The following CCNB1IP1 variants were observed in gnomAD, a reference collection of about 807,000 sequenced individuals.
CCNB1IP1 encodes E3 ubiquitin-protein ligase CCNB1IP1.
In CCNB1IP1, 14 loss-of-function variants were observed where a neutral mutation model predicts 25.6. That is an observed-to-expected ratio of 0.55 (90% CI 0.36 to 0.85). The LOEUF is 0.85. Ranked by LOEUF, CCNB1IP1 falls within the 40% of genes least tolerant of loss-of-function variation. The probability of loss-of-function intolerance (pLI) is 0.01; values close to 1 mark genes in which losing one functional copy is unlikely to be tolerated. For missense variants in CCNB1IP1, 278 were observed against 342.4 expected (o/e 0.81, Z 1.48); for synonymous variants, 119 against 116.1 (o/e 1.02, Z -0.16).
At chr14:20,324,493 A>T (rs1883002606) in intron 4 of CCNB1IP1, among the ~76,000 whole-genome samples, 1 of 152,152 alleles carries the variant, frequency 6.6e-6, no homozygotes, top group East Asian at 1.9e-4. Context: ...GCCAAAACAA[A>T]GAATTTTCGT....
chr14:20,319,739 G>A (rs1335826687), intron 4 of CCNB1IP1, among the ~76,000 whole-genome samples: 1 of 152,144 alleles, frequency 6.6e-6, no homozygotes, highest in Non-Finnish European at 1.5e-5. Context: ...GAGTCCACGT[G>A]CCAAAAATTC....
Position 20,320,804 on chromosome 14 carries a change from C to CAA in CCNB1IP1, c.-37-4246_-37-4245dup, listed in dbSNP as rs11292210. Among the ~76,000 whole-genome samples, 314 of 99,698 alleles carry CAA rather than the reference C, an allele frequency of 3.1e-3. 1 individual carries two copies. Among genetic ancestry groups the CAA allele is most frequent in the Middle Eastern group, 0.012 (2 of 168 alleles). The allele number at this position is 99,698 out of a possible 152,430, so 65.4% of individuals were successfully genotyped here. A position where few individuals can be genotyped will look rare whatever the true frequency, so the allele number is the denominator to read the frequency against. ...TGGGCAACAAAGCCAGACTCCGTCTCAAAAAAAAAAAAAAAAAAATTATAG... is the reference window on the plus strand; with the variant it reads ...TGGGCAACAAAGCCAGACTCCGTCTCAAAAAAAAAAAAAAAAAAAAATTATAG... On this transcript the variant is annotated intron_variant, in intron 4 of 6. Transcript: ENST00000358932.
chr14:20,330,638 T>C (rs1167826947), intron 1 of CCNB1IP1: 1 of 152,510 alleles, frequency 6.6e-6, no homozygotes, highest in Non-Finnish European at 1.5e-5. Context: ...TGGAGTGCAA[T>C]GGCGCGATCT....
chr14:20,330,348 G>A (rs1044986560), intron 1 of CCNB1IP1, among the ~76,000 whole-genome samples: 1 of 152,152 alleles, frequency 6.6e-6, no homozygotes, highest in Non-Finnish European at 1.5e-5. Context: ...GAGGAAAAGA[G>A]AGAGAGGGGC....
chr14:20,311,704 C>A lies in CCNB1IP1; in HGVS notation c.680G>T (p.Gly227Val), dbSNP rs779864856. The stretch of plus-strand genomic sequence containing the variant: ...GAACTGAAAATCTCCATCTCCATCG[C>A]CCCGATTTCGAACAGGTGTATTATC... ...PLDNTPVRNR[G>V]DGDGDFQFRP... Residue 227 changes from glycine to valine, a missense_variant, in exon 7 of 7, where the codon GGC becomes GTC. By Grantham distance (109) the Gly-to-Val change is moderately radical (BLOSUM62 -3). Coordinates refer to ENST00000358932, the MANE Select transcript of CCNB1IP1 (RefSeq NM_021178.5). The A allele has an allele frequency of 3.1e-6, 5 of 1,614,058 alleles. No homozygotes were observed. The East Asian group carries it at 1.1e-4, about 36-fold the overall frequency.
chr14:20,317,538 T>C (rs1397952909), intron 4 of CCNB1IP1: 1 of 152,258 alleles, frequency 6.6e-6, no homozygotes, highest in Non-Finnish European at 1.5e-5. Context: ...AGAGGCCTAT[T>C]TTACATCCGG....
chr14:20,328,355 GA>G (rs1160624426), intron 2 of CCNB1IP1, among the ~76,000 whole-genome samples: 2 of 152,192 alleles, frequency 1.3e-5, no homozygotes, highest in Non-Finnish European at 2.9e-5. Context: ...AGGTTGGAAA[GA>G]AACTGAAGCA....
At chr14:20,315,145 A>G (rs1882646485) in intron 5 of CCNB1IP1, among the ~76,000 whole-genome samples, 1 of 142,712 alleles carries the variant, frequency 7.0e-6, no homozygotes, top group South Asian at 2.1e-4. Flanking sequence ...CCAAAAAAAA[A>G]AAAAAAAAAA....
Position 20,316,257 on chromosome 14 carries a change from G to T in CCNB1IP1, c.267C>A (p.Ser89Arg), listed in dbSNP as rs1319311681. Residue 89 changes from serine to arginine, a missense_variant, in exon 5 of 7, where the codon AGC becomes AGA. Ser to Arg is a moderately radical substitution (Grantham distance 110). Transcript: ENST00000358932. ...GLRPEIVLDI[S>R]SRALAFWTYQ... ...ATGTCCAGAAGGCCAGCGCTCGGGA[G>T]CTAATGTCCAACACGATCTCTGGTC... 1 of 1,613,812 alleles carries T rather than the reference G, an allele frequency of 6.2e-7. No homozygotes were observed. The highest frequency in any genetic ancestry group is 8.5e-7 in the Non-Finnish European group (1 of 1,179,816).
intron 5 of CCNB1IP1, chr14:20,315,999 C>A: frequency 1.9e-6 from 1 of 520,994 alleles, no homozygotes; most frequent in East Asian, 3.4e-5. Flanking sequence ...TGTGTGTATA[C>A]CCAAAATATA....
At chr14:20,330,562 C>G (rs951448213) in intron 1 of CCNB1IP1, 1 of 151,966 alleles carries the variant, frequency 6.6e-6, no homozygotes, top group African/African-American at 2.4e-5. Flanking sequence ...TCATATAGTA[C>G]TCATAAGGGC....
intron 5 of CCNB1IP1, among the ~76,000 whole-genome samples, chr14:20,315,015 C>T (rs1190517644): frequency 2.1e-5 from 3 of 144,662 alleles, no homozygotes; most frequent in South Asian, 4.5e-4. Flanking sequence ...GGCGTGAACC[C>T]GGGAGGCAGA....
chr14:20,320,473 TTCA>T (rs1882855023), intron 4 of CCNB1IP1: 1 of 331,516 alleles, frequency 3.0e-6, no homozygotes, highest in Non-Finnish European at 5.9e-6. Flanking sequence ...AGAATGATAT[TTCA>T]TCATATTTAT....
chr14:20,315,526 A>T (rs1882662616), intron 5 of CCNB1IP1: 1 of 1,176,076 alleles, frequency 8.5e-7, no homozygotes, highest in Non-Finnish European at 1.1e-6. Context: ...GATGACAAAC[A>T]TCCTTAAGAA....
Position 20,311,740 on chromosome 14 carries a change from T to C in CCNB1IP1, c.644A>G (p.Lys215Arg), listed in dbSNP as rs771419663. Residue 215 changes from lysine (K) to arginine (R), a missense_variant, in exon 7 of 7, where the codon AAG (lysine) becomes AGG (arginine). Transcript: ENST00000358932. ...AACAGGTGTATTATCCAAAGGAAACTTGGAGTTGTTACCTAGGGCAGAAAA... is the reference window on the plus strand; with the variant it reads ...AACAGGTGTATTATCCAAAGGAAACCTGGAGTTGTTACCTAGGGCAGAAAA... ...VLGFPLGNNS[K>R]FPLDNTPVRN... 4.1e-5 allele frequency: 66 copies of C among 1,613,738 alleles called. No homozygotes were observed. The highest frequency in any genetic ancestry group is 6.6e-5 in the South Asian group (6 of 91,072).
rs1352726071 is a variant in CCNB1IP1 at position 20,320,172 on chromosome 14, T to C, written c.-37-3612A>G. 14 of 321,992 alleles carry C rather than the reference T, an allele frequency of 4.3e-5. No homozygotes were observed. In the East Asian group the frequency reaches 1.0e-3, roughly 24 times the overall value. The allele number at this position is 321,992 out of a possible 1,614,324, so 19.9% of individuals were successfully genotyped here. A position where few individuals can be genotyped will look rare whatever the true frequency, so the allele number is the denominator to read the frequency against. On this transcript the variant is annotated intron_variant, in intron 4 of 6. Transcript: ENST00000358932. The stretch of plus-strand genomic sequence containing the variant: ...ACACAAATTTATCAACTTTTCCTTT[T>C]TGTACTTATGTCTACTCCAATATCA...
At chr14:20,332,901 G>A (rs1285001410) in intron 1 of CCNB1IP1, 3 of 152,110 alleles carry the variant, frequency 2.0e-5, no homozygotes, top group Admixed American at 2.0e-4. Context: ...CCTCACCCAG[G>A]GAGATATAAA....
intron 4 of CCNB1IP1, chr14:20,320,373 TA>T: frequency 2.2e-6 from 1 of 455,506 alleles, no homozygotes; most frequent in Non-Finnish European, 4.4e-6. Context: ...GATGGAGTGG[TA>T]GTCTAGTCTG....
chr14:20,315,926 C>G, intron 5 of CCNB1IP1: 1 of 445,896 alleles, frequency 2.2e-6, no homozygotes, highest in Non-Finnish European at 4.1e-6. Context: ...CAACTCTTAA[C>G]AATAAAAGTG....
Sources: gnomAD v4.1 joint callset for allele counts (sites outside exome capture counted in the v4.1 genomes callset) on GRCh38, gnomAD v4.1.1 for gene constraint, MANE v1.5 for transcripts, NCBI Gene and HGNC (gene_info 2026-07-23, HGNC 2026-07-21) for gene names.